ADTRP: variants seen among roughly 807,000 people sequenced by gnomAD.
ADTRP encodes androgen dependent TFPI regulating protein, also known as androgen-dependent TFPI-regulating protein.
Under a neutral mutation model 27.0 loss-of-function variants are expected in ADTRP, and 20 were observed. The observed-to-expected ratio is 0.74, with a 90% CI of 0.52 to 1.08. ADTRP has a LOEUF of 1.08. ADTRP is among the 50% of genes least tolerant of loss of function. ADTRP has a pLI of 0.00. For synonymous variants in ADTRP, 101 were observed against 105.2 expected, an observed-to-expected ratio of 0.96 and a Z score of 0.25; for missense variants, 251 against 275.0, an observed-to-expected ratio of 0.91 and a Z score of 0.62.
chr6:11,725,005 CCACGTTGT>C (rs1375446026), intron 4 of ADTRP, among the ~76,000 whole-genome samples: 1 of 152,136 alleles, frequency 6.6e-6, no homozygotes, highest in Non-Finnish European at 1.5e-5. Context: ...TTTGAATATC[CCACGTTGT>C]CAAAGGAATT....
chr6:11,761,690 T>C (rs891377631), intron 3 of ADTRP, among the ~76,000 whole-genome samples: 1 of 152,222 alleles, frequency 6.6e-6, no homozygotes, highest in Non-Finnish European at 1.5e-5. Context: ...GACCTTCTTT[T>C]CAAGTGTATG....
intron 5 of ADTRP, among the ~76,000 whole-genome samples, chr6:11,721,235 G>A (rs111536478): frequency 1.1e-4 from 16 of 152,252 alleles, no homozygotes; most frequent in Admixed American, 6.5e-5. Flanking sequence ...ACAGAATCCC[G>A]TGGACGTAAG....
At chr6:11,749,891 C>G (rs528656950) in intron 3 of ADTRP, among the ~76,000 whole-genome samples, 1 of 152,334 alleles carries the variant, frequency 6.6e-6, no homozygotes, top group South Asian at 2.1e-4. Context: ...TTAGCCAACC[C>G]TTCTCCCACC....
chr6:11,730,315 G>A (rs1293710107), intron 4 of ADTRP, among the ~76,000 whole-genome samples: 2 of 152,144 alleles, frequency 1.3e-5, no homozygotes, highest in African/African-American at 4.8e-5. Flanking sequence ...CTGAGTTGAG[G>A]TTATAAAGCT....
At chr6:11,721,235 G>C (rs111536478) in intron 5 of ADTRP, among the ~76,000 whole-genome samples, 1 of 152,134 alleles carries the variant, frequency 6.6e-6, no homozygotes, top group East Asian at 1.9e-4. Flanking sequence ...ACAGAATCCC[G>C]TGGACGTAAG....
intron 5 of ADTRP, among the ~76,000 whole-genome samples, chr6:11,715,639 T>C (rs1041724949): frequency 7.4e-6 from 1 of 135,984 alleles, no homozygotes; most frequent in South Asian, 2.4e-4. Flanking sequence ...CTTTCTCTTC[T>C]GTTTTTCCCT....
intron 3 of ADTRP, among the ~76,000 whole-genome samples, chr6:11,746,343 G>A (rs172405): frequency 0.32 from 48,115 of 151,990 alleles, 9,674 homozygotes; most frequent in East Asian, 0.67. Context: ...AGGAGAAAGC[G>A]CTGTGGAGAC....
At chr6:11,764,133 T>C (rs563260239) in intron 3 of ADTRP, among the ~76,000 whole-genome samples, 1 of 152,354 alleles carries the variant, frequency 6.6e-6, no homozygotes, top group African/African-American at 2.4e-5. Context: ...CCCCTCAGCT[T>C]GTGAGGCACA....
At chr6:11,758,803 G>T (rs1421204408) in intron 3 of ADTRP, among the ~76,000 whole-genome samples, 1 of 152,148 alleles carries the variant, frequency 6.6e-6, no homozygotes, top group African/African-American at 2.4e-5. Flanking sequence ...GGTGGTGTTG[G>T]TACATTGAGA....
intron 3 of ADTRP, among the ~76,000 whole-genome samples, chr6:11,757,584 G>A (rs531197639): frequency 1.3e-5 from 2 of 152,292 alleles, no homozygotes; most frequent in South Asian, 2.1e-4. Context: ...TAATTAAGAT[G>A]AGGTCATACT....
intron 4 of ADTRP, among the ~76,000 whole-genome samples, chr6:11,732,701 C>T (rs1762427350): frequency 6.6e-6 from 1 of 152,238 alleles, no homozygotes; most frequent in African/African-American, 2.4e-5. Flanking sequence ...CAAACCACCT[C>T]AGCTCCCCAC....
At chr6:11,755,375 T>C (rs1278190314) in intron 3 of ADTRP, among the ~76,000 whole-genome samples, 2 of 152,142 alleles carry the variant, frequency 1.3e-5, no homozygotes, top group African/African-American at 4.8e-5. Context: ...TTCTTTGAAT[T>C]GGGATTAAAA....
chr6:11,741,713 ATTTT>A (rs71312624), intron 3 of ADTRP, among the ~76,000 whole-genome samples: 4,148 of 129,182 alleles, frequency 0.032, 103 homozygotes, highest in Admixed American at 0.096. Context: ...TAAGGATAAG[ATTTT>A]TTTTAAAAAA....
In ADTRP at chr6:11,714,528, C is replaced by T. The variant is rs114136493; in HGVS notation, c.659-16G>A. ...CTCATGTCACCTGTACAAACAAGAA[C>T]AGAGACAGACCTCAGGCTTCAGGCT... On this transcript the variant is annotated splice_polypyrimidine_tract_variant and intron_variant, in intron 5 of 5. Transcript: ENST00000414691. 1.8e-3 allele frequency: 2,900 copies of T among 1,610,828 alleles called. 54 individuals carry two copies. In the African/African-American group the frequency reaches 0.033, roughly 19 times the overall value.
chr6:11,724,461 A>C (rs1012347480), intron 4 of ADTRP, among the ~76,000 whole-genome samples: 1 of 152,228 alleles, frequency 6.6e-6, no homozygotes, highest in Non-Finnish European at 1.5e-5. Context: ...GCTGTAAGTC[A>C]TTTCTGGAAG....
chr6:11,732,982 G>A (rs145787965), intron 4 of ADTRP, among the ~76,000 whole-genome samples: 1 of 152,332 alleles, frequency 6.6e-6, no homozygotes, highest in Non-Finnish European at 1.5e-5. Flanking sequence ...GGAGAGAGGA[G>A]ACCTCAGTTT....
chr6:11,735,505 C>A, intron 4 of ADTRP, 63 bp downstream of exon 4: 1 of 1,237,788 alleles, frequency 8.1e-7, no homozygotes, highest in Non-Finnish European at 1.2e-6. Context: ...GTACACATTT[C>A]TGGAACTTCC....
chr6:11,722,440 T>G (rs1283474939), intron 5 of ADTRP, among the ~76,000 whole-genome samples: 1 of 152,162 alleles, frequency 6.6e-6, no homozygotes, highest in Non-Finnish European at 1.5e-5. Flanking sequence ...AGATGGCACT[T>G]CTGCCATCTC....
At chr6:11,750,139 T>G (rs1490628503) in intron 3 of ADTRP, among the ~76,000 whole-genome samples, 1 of 151,988 alleles carries the variant, frequency 6.6e-6, no homozygotes, top group Non-Finnish European at 1.5e-5. Context: ...CCAATATGAT[T>G]CACAAGAATA....
Sources: gnomAD v4.1 joint callset for allele counts (sites outside exome capture counted in the v4.1 genomes callset) on GRCh38, gnomAD v4.1.1 for gene constraint, MANE v1.5 for transcripts, NCBI Gene and HGNC (gene_info 2026-07-23, HGNC 2026-07-21) for gene names.